Variants in GRID2 observed in about 807,000 individuals in gnomAD.
GRID2 encodes glutamate ionotropic receptor delta type subunit 2.
Under a neutral mutation model 114.8 loss-of-function variants are expected in GRID2, and 33 were observed. The ratio of observed to expected loss-of-function variants is 0.29; its 90% CI spans 0.22 to 0.38. The LOEUF (loss-of-function observed/expected upper bound fraction) is 0.38. Ranked by LOEUF, GRID2 falls within the 10% of genes least tolerant of loss-of-function variation. The pLI is 1.00. For missense variants in GRID2, 1,184 were observed against 1,257.7 expected, an observed-to-expected ratio of 0.94 and a Z score of 0.89; for synonymous variants, 505 against 449.9, an observed-to-expected ratio of 1.12 and a Z score of -1.55.
rs1294766884 is a variant in GRID2, at chr4:92,384,606, ATAATATATGTTATATATT to A, written c.88+79863_88+79880del. On this transcript the variant is annotated intron_variant, in intron 1 of 15. Coordinates refer to ENST00000282020, the MANE Select transcript of GRID2 (RefSeq NM_001510.4). ...TATTATATTATATATAACATAATATATAATATATGTTATATATTATATATAATATATATTATATATAAT... is the reference window on the plus strand; with the variant it reads ...TATTATATTATATATAACATAATATAATATATAATATATATTATATATAAT... Among the ~76,000 whole-genome samples the A allele has an allele frequency of 7.6e-4, 40 of 52,924 alleles. 1 individual carries two copies. Among genetic ancestry groups the A allele is most frequent in the East Asian group, 2.0e-3 (3 of 1,518 alleles). 34.7% of individuals were successfully genotyped at this position (52,924 alleles called of 152,430 possible).
intron 13 of GRID2, among the ~76,000 whole-genome samples, chr4:93,550,600 G>T (rs1733662524): frequency 6.6e-6 from 1 of 152,150 alleles, no homozygotes; most frequent in Admixed American, 6.5e-5. Flanking sequence ...TTAGATGCCT[G>T]CATTAAGACT....
intron 11 of GRID2, among the ~76,000 whole-genome samples, chr4:93,466,590 A>G (rs1050549626): frequency 6.6e-6 from 1 of 152,152 alleles, no homozygotes; most frequent in African/African-American, 2.4e-5. Context: ...GGTCATTACC[A>G]TGGAAAGGGG....
intron 2 of GRID2, among the ~76,000 whole-genome samples, chr4:92,913,503 T>C (rs968797095): frequency 2.0e-5 from 3 of 151,954 alleles, no homozygotes; most frequent in African/African-American, 7.2e-5. Flanking sequence ...CCCTCTGTTT[T>C]ATATTTCACT....
chr4:92,753,873 A>G (rs111606574), intron 2 of GRID2, among the ~76,000 whole-genome samples: 1 of 152,206 alleles, frequency 6.6e-6, no homozygotes, highest in Non-Finnish European at 1.5e-5. Context: ...TCATGATACT[A>G]TAGTTTTTAA....
At chr4:92,610,017 C>T (rs1490939772) in intron 2 of GRID2, among the ~76,000 whole-genome samples, 1 of 151,498 alleles carries the variant, frequency 6.6e-6, no homozygotes, top group African/African-American at 2.4e-5. Context: ...AGTCCCTTAC[C>T]CTCTTCTACA....
intron 1 of GRID2, among the ~76,000 whole-genome samples, chr4:92,542,599 G>A (rs977796125): frequency 2.6e-5 from 4 of 151,930 alleles, no homozygotes; most frequent in Admixed American, 2.0e-4. Context: ...CAGAGCATAA[G>A]AATGATATAA....
intron 13 of GRID2, among the ~76,000 whole-genome samples, chr4:93,542,019 T>C (rs1025115905): frequency 2.6e-5 from 4 of 152,230 alleles, no homozygotes; most frequent in African/African-American, 9.6e-5. Context: ...GCTGAAATGA[T>C]TCCTTACTTT....
At chr4:93,743,390 A>C (rs1472756872) in intron 14 of GRID2, among the ~76,000 whole-genome samples, 1 of 152,244 alleles carries the variant, frequency 6.6e-6, no homozygotes, top group Non-Finnish European at 1.5e-5. Context: ...AGGTGGCTAC[A>C]CTAAACAACA....
At chr4:93,602,783 A>C (rs991217509) in intron 13 of GRID2, among the ~76,000 whole-genome samples, 2 of 152,234 alleles carry the variant, frequency 1.3e-5, no homozygotes, top group Non-Finnish European at 2.9e-5. Flanking sequence ...GTCACATGTG[A>C]GGAAGACAGG....
chr4:93,680,801 G>A (rs1470660246), intron 14 of GRID2, among the ~76,000 whole-genome samples: 1 of 152,120 alleles, frequency 6.6e-6, no homozygotes, highest in Non-Finnish European at 1.5e-5. Context: ...AGCTATCTGT[G>A]ACAAACCCCA....
chr4:93,415,023 GATA>G (rs545172821), intron 9 of GRID2, among the ~76,000 whole-genome samples: 31 of 152,040 alleles, frequency 2.0e-4, no homozygotes, highest in African/African-American at 6.7e-4. Context: ...TCTATATCCA[GATA>G]ATGTCATATC....
chr4:93,267,194 T>A (rs1159219652), intron 8 of GRID2, among the ~76,000 whole-genome samples: 12 of 151,748 alleles, frequency 7.9e-5, no homozygotes, highest in East Asian at 5.8e-4. Context: ...TATTATTTTT[T>A]TTATTATTAT....
chr4:93,343,826 A>G (rs1314455995), intron 8 of GRID2, among the ~76,000 whole-genome samples: 3 of 152,098 alleles, frequency 2.0e-5, no homozygotes, highest in African/African-American at 7.2e-5. Flanking sequence ...AACATACAAA[A>G]TATTAGATTA....
chr4:92,772,093 T>C (rs1738572744), intron 2 of GRID2, among the ~76,000 whole-genome samples: 3 of 152,178 alleles, frequency 2.0e-5, no homozygotes, highest in Admixed American at 2.0e-4. Context: ...GGTTTTCAAA[T>C]AGAAATGAAA....
intron 1 of GRID2, among the ~76,000 whole-genome samples, chr4:92,548,347 T>A (rs899384912): frequency 6.7e-6 from 1 of 149,520 alleles, no homozygotes; most frequent in Non-Finnish European, 1.5e-5. Context: ...TCCAGGAAGC[T>A]CATTGTATTA....
intron 2 of GRID2, among the ~76,000 whole-genome samples, chr4:92,900,728 G>A (rs1162910120): frequency 1.3e-5 from 2 of 151,702 alleles, no homozygotes. Flanking sequence ...CAGCTACGCC[G>A]GAGGCTGAGG....
At chr4:92,383,574 G>C (rs1729722026) in intron 1 of GRID2, among the ~76,000 whole-genome samples, 1 of 151,896 alleles carries the variant, frequency 6.6e-6, no homozygotes, top group African/African-American at 2.4e-5. Context: ...AATGGGACTA[G>C]TTTTCCCAGT....
chr4:93,430,018 G>A (rs1255964593), intron 10 of GRID2, among the ~76,000 whole-genome samples: 3 of 152,184 alleles, frequency 2.0e-5, no homozygotes, highest in Non-Finnish European at 2.9e-5. Context: ...TCAGCTGCTT[G>A]GGACTACACA....
chr4:93,295,300 G>A (rs1276946290), intron 8 of GRID2, among the ~76,000 whole-genome samples: 1 of 151,998 alleles, frequency 6.6e-6, no homozygotes, highest in Non-Finnish European at 1.5e-5. Flanking sequence ...AACATTAAGA[G>A]GTAAGAAATA....
Sources: allele counts gnomAD v4.1 joint callset (sites outside exome capture counted in the v4.1 genomes callset), GRCh38; gene constraint gnomAD v4.1.1; transcripts MANE v1.5; gene names NCBI Gene and HGNC (gene_info 2026-07-23, HGNC 2026-07-21).